The following TRIM8 variants were observed in gnomAD, a reference collection of about 807,000 sequenced individuals.
TRIM8 encodes the protein tripartite motif containing 8.
In TRIM8, 9 loss-of-function variants were observed where a neutral mutation model predicts 55.7. The ratio of observed to expected loss-of-function variants is 0.16; its 90% CI spans 0.10 to 0.28. The LOEUF (loss-of-function observed/expected upper bound fraction) is 0.28, where lower values mean the gene tolerates loss of function less well. TRIM8 is among the 10% of genes least tolerant of loss of function. TRIM8 has a pLI of 1.00. For synonymous variants in TRIM8, 335 were observed against 333.3 expected (o/e 1.01, Z -0.06); for missense variants, 556 against 736.4 (o/e 0.76, Z 2.83).
At chr10:102,651,074 C>T (rs550412826) in intron 1 of TRIM8, among the ~76,000 whole-genome samples, 137 of 152,304 alleles carry the variant, frequency 9.0e-4, no homozygotes, top group African/African-American at 2.9e-3. Flanking sequence ...CCGGACTCCT[C>T]CCTGGCTGGC....
At chr10:102,651,690 G>A (rs2063986047) in intron 1 of TRIM8, among the ~76,000 whole-genome samples, 1 of 152,202 alleles carries the variant, frequency 6.6e-6, no homozygotes, top group South Asian at 2.1e-4. Flanking sequence ...AAGAGCACCT[G>A]GGGGGCCCTG....
chr10:102,648,144 C>A (rs558718324), intron 1 of TRIM8, among the ~76,000 whole-genome samples: 1 of 152,238 alleles, frequency 6.6e-6, no homozygotes, highest in Admixed American at 6.5e-5. Context: ...AAGCTAAGGG[C>A]CCAAGATTTG....
chr10:102,652,723 A>G (rs866922204), intron 1 of TRIM8, among the ~76,000 whole-genome samples: 10 of 152,120 alleles, frequency 6.6e-5, no homozygotes, highest in South Asian at 2.1e-4. Context: ...GTAACATTTT[A>G]TAACTTTAGT....
At position 102,656,963 on chromosome 10, in the gene TRIM8, C is replaced by G. The variant is rs750326570; in HGVS notation, c.1265C>G (p.Thr422Arg). The change falls in exon 6 of 6, where the codon ACG (threonine) becomes AGG (arginine). Residue 422 changes from threonine (T) to arginine (R), a missense_variant. Transcript: ENST00000643721. This position sits in a 1 kb window ranked among gnomAD's most constrained non-coding sequence, Gnocchi z 4.6. ...CAGCCCCTGGGGCCCTGCAGCTCCA[C>G]GCAGCACTTGGTGGCCCTGCCGGGC... ...SGQPLGPCSSTQHLVALPGGA... is the reference protein window; with the variant it reads ...SGQPLGPCSSRQHLVALPGGA... 5.6e-6 allele frequency: 9 copies of G among 1,612,274 alleles called. No individual in the cohort carries two copies. Among genetic ancestry groups the G allele is most frequent in the African/African-American group, 1.3e-5 (1 of 75,010 alleles).
chr10:102,656,649 C>T lies in TRIM8; in HGVS notation c.1049-98C>T. The T allele has an allele frequency of 4.7e-6, 7 of 1,491,418 alleles. No individual in the cohort carries two copies. The highest frequency in any genetic ancestry group is 6.3e-6 in the Non-Finnish European group (7 of 1,116,300). 92.4% of individuals were successfully genotyped at this position (1,491,418 alleles called of 1,614,324 possible). On this transcript the variant is annotated intron_variant, in intron 5 of 5. Coordinates refer to ENST00000643721, the MANE Select transcript of TRIM8 (RefSeq NM_030912.3). This position sits in a 1 kb window ranked among gnomAD's most constrained non-coding sequence, Gnocchi z 4.6. The stretch of plus-strand genomic sequence containing the variant: ...TCACCTGAGATGTAACATTCTTGGG[C>T]CTCTAGGTGTCAATGGTCCCCAGGT...
In TRIM8 at chr10:102,657,034, T is replaced by G. The variant is rs2064031801; in HGVS notation, c.1336T>G (p.Tyr446Asp). The G allele has an allele frequency of 1.2e-6, 2 of 1,613,036 alleles. No individual in the cohort carries two copies. Among genetic ancestry groups the G allele is most frequent in the Non-Finnish European group, 1.7e-6 (2 of 1,179,944 alleles). ...HSSPVFPPSQ[Y>D]PNGSAAQQPM... ...AAGCCCCGTGTTCCCCCCATCGCAGTATCCCAATGGCTCCGCCGCCCAGCA... is the reference window on the plus strand; with the variant it reads ...AAGCCCCGTGTTCCCCCCATCGCAGGATCCCAATGGCTCCGCCGCCCAGCA... Residue 446 changes from tyrosine to aspartate, a missense_variant, in exon 6 of 6, where the codon TAT becomes GAT. By Grantham distance (160) the Tyr-to-Asp change is radical. Coordinates refer to ENST00000643721, the MANE Select transcript of TRIM8 (RefSeq NM_030912.3).
At chr10:102,651,685 C>T (rs2135980518) in intron 1 of TRIM8, among the ~76,000 whole-genome samples, 1 of 152,338 alleles carries the variant, frequency 6.6e-6, no homozygotes, top group African/African-American at 2.4e-5. Flanking sequence ...CTCTGAAGAG[C>T]ACCTGGGGGG....
rs936464780 is a variant in TRIM8, at chr10:102,656,018, CAG to C, written c.901-87_901-86del. 376 of 1,599,610 alleles carry C rather than the reference CAG, an allele frequency of 2.4e-4. 1 individual carries two copies. The highest frequency in any genetic ancestry group is 1.5e-3 in the African/African-American group (112 of 74,780). Reference sequence around the variant, plus strand: ...GGATCCACCCAGCCTGGGGGAGGCTCAGGGGGGGCAGCTTTTGTCTTCCCCTC... The same window carrying C: ...GGATCCACCCAGCCTGGGGGAGGCTCGGGGGGCAGCTTTTGTCTTCCCCTC... On this transcript the variant is annotated intron_variant, in intron 3 of 5. Transcript: ENST00000643721. The surrounding 1 kb of genome is among the most constrained non-coding windows in gnomAD (Gnocchi z 4.6).
At chr10:102,647,030 T>C (rs2063941912) in intron 1 of TRIM8, among the ~76,000 whole-genome samples, 1 of 152,228 alleles carries the variant, frequency 6.6e-6, no homozygotes. Context: ...TGTTTTTGAA[T>C]GTCTTTGAGA....
At position 102,656,531 on chromosome 10, in the gene TRIM8, T is replaced by C; in HGVS notation, c.1048+146T>C. 1.5e-6 allele frequency: 2 copies of C among 1,375,688 alleles called. No homozygotes were observed. The highest frequency in any genetic ancestry group is 1.4e-5 in the South Asian group (1 of 69,118). The allele number at this position is 1,375,688 out of a possible 1,614,324, so 85.2% of individuals were successfully genotyped here. ...TTTGCCACTTGTAGCTGTGGGACAGTGGGTAAGCAACATGACCTCCCCAGC... is the reference window on the plus strand; with the variant it reads ...TTTGCCACTTGTAGCTGTGGGACAGCGGGTAAGCAACATGACCTCCCCAGC... On this transcript the variant is annotated intron_variant, in intron 5 of 5. Coordinates refer to ENST00000643721, the MANE Select transcript of TRIM8 (RefSeq NM_030912.3). The surrounding 1 kb of genome is among the most constrained non-coding windows in gnomAD (Gnocchi z 4.6).
At chr10:102,647,726 A>G (rs1389114984) in intron 1 of TRIM8, among the ~76,000 whole-genome samples, 1 of 152,188 alleles carries the variant, frequency 6.6e-6, no homozygotes, top group Non-Finnish European at 1.5e-5. Context: ...GGGCAGAAGC[A>G]CAGAGACCTG....
chr10:102,649,913 G>T (rs1184613628), intron 1 of TRIM8, among the ~76,000 whole-genome samples: 1 of 152,144 alleles, frequency 6.6e-6, no homozygotes, highest in Non-Finnish European at 1.5e-5. Flanking sequence ...ACCAGGGGGA[G>T]GAGTAGGGGA....
intron 1 of TRIM8, among the ~76,000 whole-genome samples, chr10:102,650,351 C>T (rs2063974583): frequency 6.6e-6 from 1 of 152,136 alleles, no homozygotes; most frequent in Non-Finnish European, 1.5e-5. Context: ...TCAGAGGAAG[C>T]AGCGGCAAAG....
intron 3 of TRIM8, 23 bp downstream of exon 3, chr10:102,655,336 C>CG (rs1564721811): frequency 6.3e-7 from 1 of 1,596,850 alleles, no homozygotes; most frequent in Non-Finnish European, 8.5e-7. Context: ...CAGGACCAGG[C>CG]TGGTGGCACC....
chr10:102,656,040 C>G lies in TRIM8; in HGVS notation c.901-66C>G, dbSNP rs1180256444. Reference sequence around the variant, plus strand: ...GCTCAGGGGGGGCAGCTTTTGTCTTCCCCTCTCCCCGGGCTCTCCCTGGAC... The same window carrying G: ...GCTCAGGGGGGGCAGCTTTTGTCTTGCCCTCTCCCCGGGCTCTCCCTGGAC... On this transcript the variant is annotated intron_variant, in intron 3 of 5. Coordinates refer to ENST00000643721, the MANE Select transcript of TRIM8 (RefSeq NM_030912.3). This position sits in a 1 kb window ranked among gnomAD's most constrained non-coding sequence, Gnocchi z 4.6. The G allele has an allele frequency of 6.2e-7, 1 of 1,611,648 alleles. No individual in the cohort carries two copies. Among genetic ancestry groups the G allele is most frequent in the African/African-American group, 1.3e-5 (1 of 74,628 alleles).
At position 102,656,250 on chromosome 10, in the gene TRIM8, G is replaced by A. The variant is rs2064023704; in HGVS notation, c.933-20G>A. The A allele has an allele frequency of 6.2e-7, 1 of 1,614,012 alleles. No individual in the cohort carries two copies. Among genetic ancestry groups the A allele is most frequent in the Admixed American group, 1.7e-5 (1 of 60,000 alleles). On this transcript the variant is annotated intron_variant, in intron 4 of 5. Transcript: ENST00000643721. This position sits in a 1 kb window ranked among gnomAD's most constrained non-coding sequence, Gnocchi z 4.6. ...CCGGTGATGCCTCCTCACAGCAGAT[G>A]CCCCGTCCACTGCCCCCAGGACCCA...
rs527991213 is a variant in TRIM8, at chr10:102,657,085, C to G, written c.1387C>G (p.Arg463Gly). The G allele has an allele frequency of 6.2e-7, 1 of 1,613,622 alleles. No homozygotes were observed. Among genetic ancestry groups the G allele is most frequent in the South Asian group, 1.1e-5 (1 of 91,078 alleles). Residue 463 changes from arginine (R) to glycine (G), a missense_variant, in exon 6 of 6, where the codon CGC becomes GGC. Physicochemically the swap from Arg to Gly is moderately radical, Grantham distance 125. Around this residue, in one of 2 missense-constraint regions of TRIM8, gnomAD observed 391 missense variants for 441.0 expected, o/e 0.89. Transcript: ENST00000643721. ...GCCCATGCTCCCCCAGTATGGCGGCCGCAAGATTCTCGTCTGTTCTGTGGA... is the reference window on the plus strand; with the variant it reads ...GCCCATGCTCCCCCAGTATGGCGGCGGCAAGATTCTCGTCTGTTCTGTGGA... ...QQPMLPQYGG[R>G]KILVCSVDNC...
chr10:102,654,765 C>A lies in TRIM8; in HGVS notation c.666+17C>A. The A allele has an allele frequency of 6.2e-7, 1 of 1,601,240 alleles. No homozygotes were observed. Among genetic ancestry groups the A allele is most frequent in the Non-Finnish European group, 8.6e-7 (1 of 1,168,198 alleles). On this transcript the variant is annotated intron_variant, in intron 2 of 5. Transcript: ENST00000643721. ...CTGGTGGAGGTAGCTAAGCCCAAGG[C>A]CATGCTGCGGGGTGGGGGTGGCTTG...
At chr10:102,645,881 G>C (rs750830512) in intron 1 of TRIM8, 3 of 152,272 alleles carry the variant, frequency 2.0e-5, no homozygotes, top group Non-Finnish European at 4.4e-5. Flanking sequence ...AAGCCTTCAA[G>C]TATCTGTCTT....
Sources: gnomAD v4.1 joint callset for allele counts (sites outside exome capture counted in the v4.1 genomes callset) on GRCh38, gnomAD v4.1.1 for gene constraint, gnomAD v4.1.1 regional missense constraint, Gnocchi (gnomAD v3.1) non-coding constraint, MANE v1.5 for transcripts, NCBI Gene and HGNC (gene_info 2026-07-23, HGNC 2026-07-21) for gene names.